Variants in UGGT1 observed in about 807,000 individuals in gnomAD.
The protein encoded by UGGT1 is UDP-glucose glycoprotein glucosyltransferase 1.
In UGGT1, 107 loss-of-function variants were observed where a neutral mutation model predicts 203.9. That is an observed-to-expected ratio of 0.52 (90% CI 0.45 to 0.62). The LOEUF is 0.62. UGGT1 is among the 20% of genes least tolerant of loss of function. The pLI is 0.00. For missense variants in UGGT1, 1,673 were observed against 1,867.2 expected (o/e 0.90, Z 1.92); for synonymous variants, 628 against 653.5 (o/e 0.96, Z 0.59).
At position 128,190,968 on chromosome 2, in the gene UGGT1, G is replaced by GT. The variant is rs1189400550; in HGVS notation, c.*1227dup. 3.3e-5 allele frequency: 5 copies of GT among 152,294 alleles called. No homozygotes were observed. The highest frequency in any genetic ancestry group is 7.3e-5 in the Non-Finnish European group (5 of 68,104). The allele number at this position is 152,294 out of a possible 1,614,324, so 9.4% of individuals were successfully genotyped here. A position where few individuals can be genotyped will look rare whatever the true frequency, so the allele number is the denominator to read the frequency against. ...TTGTGTGTCTTCACTTCCACAGCCA[G>GT]TGTTGCCCCTCAGGGCATACTTTGC... On this transcript the variant is annotated 3_prime_UTR_variant, in exon 41 of 41. Transcript: ENST00000259253.
At chr2:128,145,015 G>A (rs191469732) in intron 17 of UGGT1, among the ~76,000 whole-genome samples, 14 of 152,248 alleles carry the variant, frequency 9.2e-5, no homozygotes, top group Admixed American at 3.3e-4. Flanking sequence ...TACATTTGCC[G>A]TTTTGTTGCC....
chr2:128,123,190 A>G lies in UGGT1; in HGVS notation c.1078A>G (p.Ile360Val), dbSNP rs949420083. 2.1e-5 allele frequency: 34 copies of G among 1,613,204 alleles called. No homozygotes were observed. Among genetic ancestry groups the G allele is most frequent in the Non-Finnish European group, 2.6e-5 (31 of 1,179,554 alleles). ...ATAATGTTTTTATTTCCTTAGAGCAATAACAAAAACAGCTGTGAGCTCAGA... is the reference window on the plus strand; with the variant it reads ...ATAATGTTTTTATTTCCTTAGAGCAGTAACAAAAACAGCTGTGAGCTCAGA... ...SQNFPTKARA[I>V]TKTAVSSELR... Residue 360 changes from isoleucine (I) to valine (V), a missense_variant, in exon 11 of 41, where the codon ATA becomes GTA. Around this residue, in one of 4 missense-constraint regions of UGGT1, gnomAD observed 1,073 missense variants for 1,078.7 expected, o/e 0.99. Transcript: ENST00000259253.
rs528433266 is a variant in UGGT1 at position 128,094,101 on chromosome 2, G to T, written c.58+2686G>T. On this transcript the variant is annotated intron_variant, in intron 1 of 40. Coordinates refer to ENST00000259253, the MANE Select transcript of UGGT1 (RefSeq NM_020120.4). ...CCACCTGGGGTTACAGTGCAGTGGCGTCCAATTCGTCATCAGGAATCACCA... is the reference window on the plus strand; with the variant it reads ...CCACCTGGGGTTACAGTGCAGTGGCTTCCAATTCGTCATCAGGAATCACCA... Among the ~76,000 whole-genome samples, 7 of 152,186 alleles carry T rather than the reference G, an allele frequency of 4.6e-5. No homozygotes were observed. In the South Asian group the frequency reaches 1.5e-3, roughly 32 times the overall value.
At chr2:128,110,628 A>G (rs1677605935) in intron 5 of UGGT1, among the ~76,000 whole-genome samples, 2 of 152,220 alleles carry the variant, frequency 1.3e-5, no homozygotes, top group African/African-American at 2.4e-5. Context: ...GCACACCTTT[A>G]TGAAGAAAAG....
intron 27 of UGGT1, among the ~76,000 whole-genome samples, 161 bp from the exon 28 acceptor site, chr2:128,171,044 T>G (rs138667377): frequency 6.6e-6 from 1 of 152,336 alleles, no homozygotes; most frequent in African/African-American, 2.4e-5. Flanking sequence ...ATGTGTGATG[T>G]AGATTGTGCA....
chr2:128,145,990 T>A (rs779547775), intron 18 of UGGT1, 23 bp downstream of exon 18: 62 of 1,612,968 alleles, frequency 3.8e-5, no homozygotes, highest in Non-Finnish European at 1.3e-5. Context: ...TCAAGGCTGA[T>A]TTTTTAAAGA....
chr2:128,178,622 C>A (rs1691521742), intron 34 of UGGT1, 53 bp downstream of exon 34: 1 of 1,509,148 alleles, frequency 6.6e-7, no homozygotes, highest in Admixed American at 1.8e-5. Flanking sequence ...GGTCAGTGTT[C>A]TTATTTAGAG....
intron 1 of UGGT1, among the ~76,000 whole-genome samples, chr2:128,094,110 G>A (rs1686996329): frequency 6.6e-6 from 1 of 152,048 alleles, no homozygotes; most frequent in African/African-American, 2.4e-5. Context: ...CGTCCAATTC[G>A]TCATCAGGAA....
chr2:128,183,861 C>T, intron 38 of UGGT1, 72 bp downstream of exon 38: 2 of 1,183,084 alleles, frequency 1.7e-6, no homozygotes, highest in East Asian at 5.0e-5. Context: ...TGAAGTATTA[C>T]TTGTGTCTTC....
rs189063588 is a variant in UGGT1, at chr2:128,114,614, A to G, written c.697-510A>G. Among the ~76,000 whole-genome samples the G allele has an allele frequency of 1.8e-4, 27 of 152,320 alleles. No individual in the cohort carries two copies. The East Asian group carries it at 5.2e-3, about 29-fold the overall frequency. ...AAGGCATTTAAATTTAATAAAAAGC[A>G]TACTCCCATGGGCCTCAAAAAACAC... On this transcript the variant is annotated intron_variant, in intron 6 of 40. Coordinates refer to ENST00000259253, the MANE Select transcript of UGGT1 (RefSeq NM_020120.4).
intron 13 of UGGT1, among the ~76,000 whole-genome samples, chr2:128,130,260 C>CAAAAA (rs59253377): frequency 1.1e-5 from 1 of 89,610 alleles, no homozygotes; most frequent in Non-Finnish European, 2.3e-5. Flanking sequence ...GACTCCGTCA[C>CAAAAA]AAAAAAAAAA....
intron 2 of UGGT1, among the ~76,000 whole-genome samples, chr2:128,099,551 A>C (rs529308998): frequency 6.6e-6 from 1 of 152,168 alleles, no homozygotes; most frequent in Non-Finnish European, 1.5e-5. Context: ...CTTAAGGAAA[A>C]AGCCTCATTT....
At chr2:128,171,750 C>A (rs548013257) in intron 28 of UGGT1, among the ~76,000 whole-genome samples, 59 of 152,274 alleles carry the variant, frequency 3.9e-4, no homozygotes, top group Admixed American at 1.2e-3. Flanking sequence ...TCAAGTGATC[C>A]GTCTGCCTCA....
At chr2:128,115,858 A>G (rs151052781) in intron 7 of UGGT1, among the ~76,000 whole-genome samples, 148 of 152,208 alleles carry the variant, frequency 9.7e-4, no homozygotes, top group Middle Eastern at 3.4e-3. Context: ...ACCTCATTCT[A>G]TTTTCTTCAA....
chr2:128,109,492 G>A, intron 4 of UGGT1, 142 bp from the exon 5 acceptor site: 1 of 678,124 alleles, frequency 1.5e-6, no homozygotes, highest in Non-Finnish European at 2.5e-6. Context: ...AAAGTGCTGG[G>A]ATTACAGGCA....
chr2:128,172,538 C>T (rs191846614), intron 28 of UGGT1, 35 bp from the exon 29 acceptor site: 19 of 1,608,306 alleles, frequency 1.2e-5, no homozygotes, highest in East Asian at 4.5e-5. Context: ...GTTGTCACAT[C>T]GAAAATTATC....
At chr2:128,158,346 TC>T (rs1690347397) in intron 22 of UGGT1, among the ~76,000 whole-genome samples, 1 of 152,296 alleles carries the variant, frequency 6.6e-6, no homozygotes, top group Admixed American at 6.5e-5. Flanking sequence ...ATTCTCAAGT[TC>T]CTGAAAGCCC....
chr2:128,159,504 T>C lies in UGGT1; in HGVS notation c.2356-10T>C. 6.2e-7 allele frequency: 1 copy of C among 1,613,446 alleles called. No homozygotes were observed. ...TACAATATGACTCCCGTTTCCCATT[T>C]TGTGAACAGAAATCCAGTAACAATG... On this transcript the variant is annotated splice_polypyrimidine_tract_variant and intron_variant, in intron 22 of 40. Transcript: ENST00000259253.
In UGGT1 at chr2:128,120,401, G is replaced by C; in HGVS notation, c.918G>C (p.Lys306Asn). 1 of 1,614,036 alleles carries C rather than the reference G, an allele frequency of 6.2e-7. No individual in the cohort carries two copies. The highest frequency in any genetic ancestry group is 1.1e-5 in the South Asian group (1 of 91,060). Residue 306 changes from lysine (K) to asparagine (N), a missense_variant, in exon 9 of 41, where the codon AAG becomes AAC. Transcript: ENST00000259253. ...AGGGACAGTTGAAAGAACTCAGAAA[G>C]CATCTTGTAGAGAGCACCAATGAAA... ...DLEGQLKELR[K>N]HLVESTNEMA...
Sources: gnomAD v4.1 joint callset for allele counts (sites outside exome capture counted in the v4.1 genomes callset) on GRCh38, gnomAD v4.1.1 for gene constraint, gnomAD v4.1.1 regional missense constraint, MANE v1.5 for transcripts, NCBI Gene and HGNC (gene_info 2026-07-23, HGNC 2026-07-21) for gene names.